Variants in NXT1 observed in about 807,000 individuals in gnomAD.
NXT1 encodes NTF2-related export protein 1.
A neutral mutation model predicts 9.9 loss-of-function variants in NXT1; 3 were observed. That is an observed-to-expected ratio of 0.30 (90% CI 0.14 to 0.79). The LOEUF is 0.79. Ranked by LOEUF, NXT1 falls within the 30% of genes least tolerant of loss-of-function variation. NXT1 has a pLI of 0.63. For synonymous variants in NXT1, 53 were observed against 66.5 expected (o/e 0.80, Z 0.99); for missense variants, 91 against 178.2 (o/e 0.51, Z 2.79).
At chr20:23,353,650 C>T (rs776443109) in intron 1 of NXT1, among the ~76,000 whole-genome samples, 3 of 152,282 alleles carry the variant, frequency 2.0e-5, no homozygotes, top group Middle Eastern at 3.4e-3. Flanking sequence ...GTCAGCCCAA[C>T]GTATTTGCAG....
At chr20:23,351,492 A>T (rs922347969) in intron 1 of NXT1, 1 of 152,260 alleles carries the variant, frequency 6.6e-6, no homozygotes, top group Non-Finnish European at 1.5e-5. Context: ...TGACGACCTC[A>T]TAGGTAGCTG....
chr20:23,352,412 C>G (rs1161568107), intron 1 of NXT1, among the ~76,000 whole-genome samples: 2 of 152,188 alleles, frequency 1.3e-5, no homozygotes, highest in Non-Finnish European at 2.9e-5. Context: ...TCCCAGCCAG[C>G]CCTTTACCAG....
intron 1 of NXT1, among the ~76,000 whole-genome samples, chr20:23,353,151 T>C (rs1261341747): frequency 6.6e-6 from 1 of 152,192 alleles, no homozygotes; most frequent in Non-Finnish European, 1.5e-5. Context: ...GTCATGTCTG[T>C]TGCAAGCATT....
In NXT1 at chr20:23,350,795, C is replaced by G. The variant is rs1244812156; in HGVS notation, c.-328C>G. 1.3e-5 allele frequency: 2 copies of G among 152,284 alleles called. No homozygotes were observed. The highest frequency in any genetic ancestry group is 2.4e-5 in the African/African-American group (1 of 41,474). 9.4% of individuals were successfully genotyped at this position (152,284 alleles called of 1,614,324 possible). On this transcript the variant is annotated 5_prime_UTR_variant, in exon 1 of 2. Coordinates refer to ENST00000254998, the MANE Select transcript of NXT1 (RefSeq NM_013248.3). ...GAGGGCGGCGCCGGGGCGCTCGCGT[C>G]TGCGTGGAGACCGGCTGGCCGCGCG...
At chr20:23,352,313 T>C (rs779100195) in intron 1 of NXT1, among the ~76,000 whole-genome samples, 7 of 152,156 alleles carry the variant, frequency 4.6e-5, no homozygotes, top group Non-Finnish European at 8.8e-5. Context: ...CAGAGTACAG[T>C]TGAGGCTTAA....
Position 23,354,173 on chromosome 20 carries a change from C to A in NXT1, c.132C>A (p.Thr44=), listed in dbSNP as rs1980345983. Residue 44 remains threonine (T), a synonymous_variant, in exon 2 of 2, where the codon ACC becomes ACA. Transcript: ENST00000254998. ...LLSRLYMGTA[T]LVWNGNAVSG... ...CCCGCCTGTACATGGGCACAGCCAC[C>A]CTGGTCTGGAATGGCAATGCTGTTT... 1.9e-6 allele frequency: 3 copies of A among 1,614,072 alleles called. No homozygotes were observed. In the South Asian group the frequency reaches 3.3e-5, roughly 18 times the overall value.
chr20:23,350,976 G>T lies in NXT1; in HGVS notation c.-147G>T, dbSNP rs991449000. The T allele has an allele frequency of 7.2e-5, 11 of 152,156 alleles. No individual in the cohort carries two copies. Among genetic ancestry groups the T allele is most frequent in the African/African-American group, 1.9e-4 (8 of 41,452 alleles). 9.4% of individuals were successfully genotyped at this position (152,156 alleles called of 1,614,324 possible). A position where few individuals can be genotyped will look rare whatever the true frequency, so the allele number is the denominator to read the frequency against. On this transcript the variant is annotated 5_prime_UTR_variant, in exon 1 of 2. Coordinates refer to ENST00000254998, the MANE Select transcript of NXT1 (RefSeq NM_013248.3). ...GCCCACCTTGTGACCTCCGCGGCCG[G>T]CCCCTCAGTGGAACTGCGTCCCACG... is the stretch of plus-strand genomic sequence containing the variant.
chr20:23,353,852 G>C, intron 1 of NXT1, 129 bp from the exon 2 acceptor site: 1 of 615,268 alleles, frequency 1.6e-6, no homozygotes, highest in East Asian at 2.8e-5. Context: ...GGTACTATTT[G>C]AGCCTACAGT....
chr20:23,352,527 C>CT (rs78030322), intron 1 of NXT1, among the ~76,000 whole-genome samples: 11,214 of 146,728 alleles, frequency 0.076, 633 homozygotes, highest in East Asian at 0.29. Flanking sequence ...AAAAAAAAGT[C>CT]TTTTTTTTGA....
chr20:23,353,865 T>C, intron 1 of NXT1, 116 bp from the exon 2 acceptor site: 3 of 637,626 alleles, frequency 4.7e-6, no homozygotes, highest in South Asian at 2.0e-5. Context: ...CCTACAGTCA[T>C]TGTTCTGCAG....
chr20:23,354,061 A>G lies in NXT1; in HGVS notation c.20A>G (p.Lys7Arg). 1 of 1,612,270 alleles carries G rather than the reference A, an allele frequency of 6.2e-7. No homozygotes were observed. The highest frequency in any genetic ancestry group is 8.5e-7 in the Non-Finnish European group (1 of 1,178,412). MASVDFKTYVDQACRAA... is the reference protein window; with the variant it reads MASVDFRTYVDQACRAA... Reference sequence around the variant, plus strand: ...CCAGAGATGGCATCTGTGGATTTCAAGACCTATGTGGATCAGGCCTGCAGA... The same window carrying G: ...CCAGAGATGGCATCTGTGGATTTCAGGACCTATGTGGATCAGGCCTGCAGA... The change falls in exon 2 of 2, where the codon AAG becomes AGG. Residue 7 changes from lysine (K) to arginine (R), a missense_variant. Physicochemically the swap from Lys to Arg is conservative, Grantham distance 26 (BLOSUM62 2). Coordinates refer to ENST00000254998, the MANE Select transcript of NXT1 (RefSeq NM_013248.3).
Position 23,354,596 on chromosome 20 carries a change from C to T in NXT1, c.*132C>T, listed in dbSNP as rs988416838. On this transcript the variant is annotated 3_prime_UTR_variant, in exon 2 of 2. Transcript: ENST00000254998. ...GGAGACACTGCAGACTCCACTGTGC[C>T]GAGGTTGAACTCTTTTTTGTTGCTC... 1.3e-5 allele frequency: 13 copies of T among 1,004,034 alleles called. No homozygotes were observed. Among genetic ancestry groups the T allele is most frequent in the African/African-American group, 3.3e-5 (2 of 61,288 alleles). The allele number at this position is 1,004,034 out of a possible 1,614,324, so 62.2% of individuals were successfully genotyped here. A position where few individuals can be genotyped will look rare whatever the true frequency, so the allele number is the denominator to read the frequency against.
chr20:23,352,588 T>C (rs566404781), intron 1 of NXT1, among the ~76,000 whole-genome samples: 1 of 152,080 alleles, frequency 6.6e-6, no homozygotes, highest in Admixed American at 6.5e-5. Context: ...ATTTTAGTAA[T>C]GTCCTCTATT....
At position 23,354,649 on chromosome 20, in the gene NXT1, T is replaced by C. The variant is rs1980359102; in HGVS notation, c.*185T>C. On this transcript the variant is annotated 3_prime_UTR_variant, in exon 2 of 2. Coordinates refer to ENST00000254998, the MANE Select transcript of NXT1 (RefSeq NM_013248.3). Reference sequence around the variant, plus strand: ...GTTCTAGGAGTCCCTTTCCTGAATATATACTTGTTTGTCATAGTTTCCTTT... The same window carrying C: ...GTTCTAGGAGTCCCTTTCCTGAATACATACTTGTTTGTCATAGTTTCCTTT... 3.2e-6 allele frequency: 2 copies of C among 624,412 alleles called. No homozygotes were observed. The highest frequency in any genetic ancestry group is 3.4e-5 in the Admixed American group (1 of 29,070). The allele number at this position is 624,412 out of a possible 1,614,324, so 38.7% of individuals were successfully genotyped here. A position where few individuals can be genotyped will look rare whatever the true frequency, so the allele number is the denominator to read the frequency against.
intron 1 of NXT1, among the ~76,000 whole-genome samples, chr20:23,352,515 A>T (rs191545290): frequency 8.7e-4 from 119 of 137,534 alleles, no homozygotes; most frequent in African/African-American, 3.1e-3. Context: ...TAATCATTAT[A>T]AAAAAAAAAG....
chr20:23,353,387 AG>A (rs1418306167), intron 1 of NXT1, among the ~76,000 whole-genome samples: 6 of 152,200 alleles, frequency 3.9e-5, no homozygotes, highest in African/African-American at 1.2e-4. Flanking sequence ...TGGGGGGCCG[AG>A]GCAGGCAGAT....
intron 1 of NXT1, among the ~76,000 whole-genome samples, chr20:23,352,703 G>GA (rs1185687362): frequency 1.3e-5 from 2 of 152,150 alleles, no homozygotes; most frequent in East Asian, 3.9e-4. Context: ...TTTTTTAAAT[G>GA]CTTTTGGACT....
In NXT1 at chr20:23,354,509, T is replaced by C; in HGVS notation, c.*45T>C. 6.4e-7 allele frequency: 1 copy of C among 1,564,444 alleles called. No homozygotes were observed. The highest frequency in any genetic ancestry group is 8.7e-7 in the Non-Finnish European group (1 of 1,154,974). ...TTTGCTTCATTCAGCCCTAGCTCTGTAGAGAAATGCAAACCTCGACTCTCA... is the reference window on the plus strand; with the variant it reads ...TTTGCTTCATTCAGCCCTAGCTCTGCAGAGAAATGCAAACCTCGACTCTCA... On this transcript the variant is annotated 3_prime_UTR_variant, in exon 2 of 2. Transcript: ENST00000254998.
chr20:23,354,637 C>T lies in NXT1; in HGVS notation c.*173C>T, dbSNP rs960255211. 5.9e-6 allele frequency: 4 copies of T among 680,082 alleles called. No individual in the cohort carries two copies. Among genetic ancestry groups the T allele is most frequent in the Non-Finnish European group, 9.9e-6 (4 of 403,532 alleles). The allele number at this position is 680,082 out of a possible 1,614,324, so 42.1% of individuals were successfully genotyped here. ...TTTGTTGCTCAAGTTCTAGGAGTCC[C>T]TTTCCTGAATATATACTTGTTTGTC... On this transcript the variant is annotated 3_prime_UTR_variant, in exon 2 of 2. Coordinates refer to ENST00000254998, the MANE Select transcript of NXT1 (RefSeq NM_013248.3).
Sources: allele counts gnomAD v4.1 joint callset (sites outside exome capture counted in the v4.1 genomes callset), GRCh38; gene constraint gnomAD v4.1.1; transcripts MANE v1.5; gene names NCBI Gene and HGNC (gene_info 2026-07-23, HGNC 2026-07-21).